The following GFM2 variants were observed in gnomAD, a reference collection of about 807,000 sequenced individuals.
GFM2 encodes ribosome-releasing factor 2, mitochondrial.
In GFM2, 72 loss-of-function variants were observed where a neutral mutation model predicts 95.4. The observed-to-expected ratio is 0.76, with a 90% CI of 0.62 to 0.92. The LOEUF is 0.92. Among genes scored for constraint, GFM2 ranks in the 40% least tolerant of loss-of-function variants. GFM2 has a pLI of 0.00. For missense variants in GFM2, 825 were observed against 924.1 expected, an observed-to-expected ratio of 0.89 and a Z score of 1.39; for synonymous variants, 276 against 317.5, an observed-to-expected ratio of 0.87 and a Z score of 1.39.
At chr5:74,725,450 A>T (rs1160264041) in intron 19 of GFM2, among the ~76,000 whole-genome samples, 190 bp downstream of exon 19, 1 of 152,182 alleles carries the variant, frequency 6.6e-6, no homozygotes, top group Non-Finnish European at 1.5e-5. Context: ...AATTTCTAAG[A>T]TCCTCTTTGA....
chr5:74,751,232 C>T, intron 6 of GFM2, 136 bp downstream of exon 6: 1 of 766,430 alleles, frequency 1.3e-6, no homozygotes, highest in South Asian at 1.8e-5. Context: ...CTAAACTGTA[C>T]ACTTAAAAAT....
At chr5:74,764,983 G>A (rs552879641) in intron 1 of GFM2, 18 of 251,328 alleles carry the variant, frequency 7.2e-5, no homozygotes, top group Non-Finnish European at 9.9e-5. Flanking sequence ...ACGGGGTTTC[G>A]CCATGTTAGC....
At position 74,738,604 on chromosome 5, in the gene GFM2, T is replaced by C; in HGVS notation, c.1118A>G (p.Lys373Arg). ...TCCTCGCTGCTTGTCATGGAGAACT[T>C]TAAATGCCAATGCACATAAGTCATC... ...YKDDLCALAF[K>R]VLHDKQRGPL... The change falls in exon 13 of 21, where the codon AAA becomes AGA. Residue 373 changes from lysine to arginine, a missense_variant. Lys to Arg is a conservative substitution (Grantham distance 26). Coordinates refer to ENST00000296805, the MANE Select transcript of GFM2 (RefSeq NM_032380.5). 1 of 1,613,550 alleles carries C rather than the reference T, an allele frequency of 6.2e-7. No individual in the cohort carries two copies. The highest frequency in any genetic ancestry group is 8.5e-7 in the Non-Finnish European group (1 of 1,179,668).
intron 12 of GFM2, 29 bp from the exon 13 acceptor site, chr5:74,738,671 A>G (rs531729405): frequency 6.3e-7 from 1 of 1,584,134 alleles, no homozygotes; most frequent in Admixed American, 1.9e-5. Flanking sequence ...AAAAAGGCCT[A>G]TAAAATACAC....
chr5:74,721,963 G>A (rs143351071), intron 20 of GFM2, among the ~76,000 whole-genome samples, 180 bp from the exon 21 acceptor site: 16 of 152,278 alleles, frequency 1.1e-4, no homozygotes, highest in Admixed American at 5.9e-4. Flanking sequence ...TAAAAACATT[G>A]AGGACAGAAA....
chr5:74,726,561 T>C (rs767505192), intron 17 of GFM2, among the ~76,000 whole-genome samples: 5 of 152,214 alleles, frequency 3.3e-5, no homozygotes, highest in Admixed American at 2.0e-4. Flanking sequence ...ATGTTTTATA[T>C]TGTGTATTTT....
At chr5:74,732,771 T>TAA (rs1202952582) in intron 16 of GFM2, among the ~76,000 whole-genome samples, 2 of 152,266 alleles carry the variant, frequency 1.3e-5, no homozygotes, top group Middle Eastern at 3.4e-3. Flanking sequence ...TCAGGAATGG[T>TAA]AAAAAATGTT....
intron 15 of GFM2, among the ~76,000 whole-genome samples, chr5:74,734,049 A>C (rs1044009789): frequency 8.9e-4 from 136 of 152,294 alleles, no homozygotes; most frequent in African/African-American, 2.1e-3. Context: ...GCACTGGATT[A>C]ATGAGCTAAC....
At position 74,739,975 on chromosome 5, in the gene GFM2, G is replaced by A; in HGVS notation, c.1079+14C>T. ...AAAGCTATAGAATTTTAATATATGTGATTGCATACTTACAGAAATTCATAG... is the reference window on the plus strand; with the variant it reads ...AAAGCTATAGAATTTTAATATATGTAATTGCATACTTACAGAAATTCATAG... On this transcript the variant is annotated intron_variant, in intron 12 of 20. Transcript: ENST00000296805. The A allele has an allele frequency of 6.8e-7, 1 of 1,478,044 alleles. No homozygotes were observed. The highest frequency in any genetic ancestry group is 1.5e-5 in the South Asian group (1 of 67,918). 91.6% of individuals were successfully genotyped at this position (1,478,044 alleles called of 1,614,324 possible).
At chr5:74,760,708 A>G (rs368299518) in intron 3 of GFM2, among the ~76,000 whole-genome samples, 194 bp downstream of exon 3, 6 of 152,184 alleles carry the variant, frequency 3.9e-5, no homozygotes, top group East Asian at 1.9e-4. Flanking sequence ...TGTTCCTCAG[A>G]TAAGGAGCAC....
chr5:74,765,088 G>A, intron 1 of GFM2: 5 of 1,257,334 alleles, frequency 4.0e-6, no homozygotes, highest in Non-Finnish European at 4.1e-6. Context: ...GCCTGGCCTT[G>A]AATCCATTCC....
chr5:74,733,956 C>T (rs186851768), intron 15 of GFM2, among the ~76,000 whole-genome samples: 2 of 152,200 alleles, frequency 1.3e-5, no homozygotes, highest in East Asian at 3.9e-4. Context: ...ACTCAATTAA[C>T]TGATAAGTAT....
intron 17 of GFM2, 81 bp downstream of exon 17, chr5:74,730,179 T>C: frequency 7.4e-7 from 1 of 1,344,654 alleles, no homozygotes. Flanking sequence ...TTAGTGACTA[T>C]GAACACTGCT....
chr5:74,726,327 A>G (rs1018474979), intron 17 of GFM2, among the ~76,000 whole-genome samples: 3 of 152,214 alleles, frequency 2.0e-5, no homozygotes, highest in African/African-American at 4.8e-5. Context: ...GTGTTGATCA[A>G]TGTTAAAAAC....
rs1247263416 is a variant in GFM2 at position 74,721,368 on chromosome 5, A to C, written c.*287T>G. On this transcript the variant is annotated 3_prime_UTR_variant, in exon 21 of 21. Coordinates refer to ENST00000296805, the MANE Select transcript of GFM2 (RefSeq NM_032380.5). ...AAGCTTAAGGACACAAAAGAAACAC[A>C]ACTTTGTGATACCACTCTTCTGAAG... The C allele has an allele frequency of 4.1e-6, 3 of 734,504 alleles. No homozygotes were observed. Among genetic ancestry groups the C allele is most frequent in the Non-Finnish European group, 4.9e-6 (2 of 406,210 alleles). 45.5% of individuals were successfully genotyped at this position (734,504 alleles called of 1,614,324 possible).
At chr5:74,761,995 C>A in intron 2 of GFM2, among the ~76,000 whole-genome samples, 1 of 152,070 alleles carries the variant, frequency 6.6e-6, no homozygotes, top group Non-Finnish European at 1.5e-5. Flanking sequence ...AGGATAAGAC[C>A]CAGTGTCTAT....
At chr5:74,748,532 AGG>A (rs1207834530) in intron 7 of GFM2, among the ~76,000 whole-genome samples, 1 of 152,142 alleles carries the variant, frequency 6.6e-6, no homozygotes, top group Non-Finnish European at 1.5e-5. Context: ...CCACATTGTT[AGG>A]TATTTCCGTT....
intron 4 of GFM2, 41 bp from the exon 5 acceptor site, chr5:74,758,987 G>A (rs779682616): frequency 1.6e-6 from 2 of 1,285,820 alleles, no homozygotes; most frequent in South Asian, 1.2e-5. Context: ...TACTAAAATT[G>A]TAAAACCAAA....
rs1749874589 is a variant in GFM2 at position 74,721,437 on chromosome 5, G to A, written c.*218C>T. The stretch of plus-strand genomic sequence containing the variant: ...TTCATAGATGAACAGCATGATTCAG[G>A]TACAGTGGCTTTAAACATCAAAGCA... On this transcript the variant is annotated 3_prime_UTR_variant, in exon 21 of 21. Coordinates refer to ENST00000296805, the MANE Select transcript of GFM2 (RefSeq NM_032380.5). 1 of 699,420 alleles carries A rather than the reference G, an allele frequency of 1.4e-6. No individual in the cohort carries two copies. Among genetic ancestry groups the A allele is most frequent in the Non-Finnish European group, 2.5e-6 (1 of 393,694 alleles). The allele number at this position is 699,420 out of a possible 1,614,324, so 43.3% of individuals were successfully genotyped here. A position where few individuals can be genotyped will look rare whatever the true frequency, so the allele number is the denominator to read the frequency against.
Sources: allele counts gnomAD v4.1 joint callset (sites outside exome capture counted in the v4.1 genomes callset), GRCh38; gene constraint gnomAD v4.1.1; transcripts MANE v1.5; gene names NCBI Gene and HGNC (gene_info 2026-07-23, HGNC 2026-07-21).